Variants in THRAP3 observed in about 807,000 individuals in gnomAD.
The protein encoded by THRAP3 is thyroid hormone receptor-associated protein 3.
Under a neutral mutation model 101.0 loss-of-function variants are expected in THRAP3, and 16 were observed. That is an observed-to-expected ratio of 0.16 (90% CI 0.11 to 0.24). The LOEUF is 0.24. Among genes scored for constraint, THRAP3 ranks in the 10% least tolerant of loss-of-function variants. The pLI, the probability that THRAP3 is intolerant of heterozygous loss-of-function variation, is 1.00. For missense variants in THRAP3, 989 were observed against 1,202.7 expected, an observed-to-expected ratio of 0.82 and a Z score of 2.63; for synonymous variants, 407 against 422.6, an observed-to-expected ratio of 0.96 and a Z score of 0.45.
chr1:36,235,377 T>G (rs1645073260), intron 1 of THRAP3, among the ~76,000 whole-genome samples: 2 of 151,946 alleles, frequency 1.3e-5, no homozygotes, highest in Non-Finnish European at 2.9e-5. Context: ...TGAGAAACAC[T>G]CAGAACCCTC....
intron 1 of THRAP3, among the ~76,000 whole-genome samples, chr1:36,239,752 T>C (rs1334738261): frequency 2.0e-5 from 3 of 152,236 alleles, no homozygotes; most frequent in Admixed American, 6.5e-5. Context: ...TACAGTACAG[T>C]GAGACCTATA....
intron 9 of THRAP3, among the ~76,000 whole-genome samples, chr1:36,298,563 A>T (rs994160616): frequency 2.7e-5 from 4 of 149,944 alleles, no homozygotes; most frequent in Admixed American, 2.0e-4. Context: ...GCACGATCAT[A>T]GCTCACGGCA....
intron 1 of THRAP3, among the ~76,000 whole-genome samples, chr1:36,256,930 G>C (rs778498175): frequency 6.6e-6 from 1 of 151,984 alleles, no homozygotes; most frequent in Non-Finnish European, 1.5e-5. Context: ...TGAGTAGCTG[G>C]GATTACAGGC....
intron 1 of THRAP3, among the ~76,000 whole-genome samples, chr1:36,231,109 T>TA (rs1421197715): frequency 6.6e-6 from 1 of 152,230 alleles, no homozygotes; most frequent in African/African-American, 2.4e-5. Flanking sequence ...AGGTCTCTGA[T>TA]ACTCCCATTC....
chr1:36,242,651 A>G (rs965869537), intron 1 of THRAP3, among the ~76,000 whole-genome samples: 2 of 151,780 alleles, frequency 1.3e-5, no homozygotes, highest in South Asian at 2.1e-4. Context: ...ACGGGGTTTC[A>G]CTGTGTTAGC....
In THRAP3 at chr1:36,286,177, A is replaced by C. The variant is rs928758668; in HGVS notation, c.138-191A>C. ...TGACCTGTGTTTCATCACTTGTTCAAATGATTCTTATCCATGTTTTTGTAC... is the reference window on the plus strand; with the variant it reads ...TGACCTGTGTTTCATCACTTGTTCACATGATTCTTATCCATGTTTTTGTAC... On this transcript the variant is annotated intron_variant, in intron 3 of 11. Coordinates refer to ENST00000354618, the MANE Select transcript of THRAP3 (RefSeq NM_005119.4). This position sits in a 1 kb window ranked among gnomAD's most constrained non-coding sequence, Gnocchi z 5.5. 3.3e-5 allele frequency among the ~76,000 whole-genome samples: 5 copies of C among 152,226 alleles called. No individual in the cohort carries two copies. The highest frequency in any genetic ancestry group is 1.2e-4 in the African/African-American group (5 of 41,452).
intron 1 of THRAP3, among the ~76,000 whole-genome samples, chr1:36,257,359 T>G (rs1367921197): frequency 2.0e-5 from 3 of 152,132 alleles, no homozygotes; most frequent in African/African-American, 7.2e-5. Context: ...GAACCTCCAG[T>G]GTTTAGAATA....
At chr1:36,238,512 A>T (rs1645117309) in intron 1 of THRAP3, among the ~76,000 whole-genome samples, 1 of 151,972 alleles carries the variant, frequency 6.6e-6, no homozygotes, top group Non-Finnish European at 1.5e-5. Context: ...TGCCTTCAGG[A>T]TACTGGATAT....
rs79633164 is a variant in THRAP3, at chr1:36,282,754, A to G, written c.137+54A>G. ...ATAATCATTGCATCAGTCGATGTGGATGTTTGAAGATCTTTTGTTAGACTT... is the reference window on the plus strand; with the variant it reads ...ATAATCATTGCATCAGTCGATGTGGGTGTTTGAAGATCTTTTGTTAGACTT... On this transcript the variant is annotated intron_variant, in intron 3 of 11. Coordinates refer to ENST00000354618, the MANE Select transcript of THRAP3 (RefSeq NM_005119.4). 6.2e-3 allele frequency: 9,844 copies of G among 1,598,562 alleles called. 479 individuals are homozygous for G. The African/African-American group carries it at 0.11, about 18-fold the overall frequency.
chr1:36,213,849 G>GAAAAGAAAGAAAGA, the THRAP3 span, among the ~76,000 whole-genome samples: 3 of 140,742 alleles, frequency 2.1e-5, no homozygotes, highest in Non-Finnish European at 3.1e-5. Flanking sequence ...CTCTGTGAAA[G>GAAAAGAAAGAAAGA]AAAAGAAAGA....
At chr1:36,239,784 ATT>A (rs1473734920) in intron 1 of THRAP3, among the ~76,000 whole-genome samples, 3 of 152,202 alleles carry the variant, frequency 2.0e-5, no homozygotes, top group South Asian at 4.1e-4. Flanking sequence ...TAGATTTTAC[ATT>A]TGTTAGCATT....
At position 36,286,241 on chromosome 1, in the gene THRAP3, C is replaced by A; in HGVS notation, c.138-127C>A. ...TACGTAGTGGGATTAAATATTTGTGCCCTTGCTTTGAAAACAAAACTGAAA... is the reference window on the plus strand; with the variant it reads ...TACGTAGTGGGATTAAATATTTGTGACCTTGCTTTGAAAACAAAACTGAAA... On this transcript the variant is annotated intron_variant, in intron 3 of 11. Coordinates refer to ENST00000354618, the MANE Select transcript of THRAP3 (RefSeq NM_005119.4). This position sits in a 1 kb window ranked among gnomAD's most constrained non-coding sequence, Gnocchi z 5.5. The A allele has an allele frequency of 1.1e-6, 1 of 893,744 alleles. No homozygotes were observed. Among genetic ancestry groups the A allele is most frequent in the Non-Finnish European group, 1.7e-6 (1 of 585,848 alleles). The allele number at this position is 893,744 out of a possible 1,614,324, so 55.4% of individuals were successfully genotyped here. A position where few individuals can be genotyped will look rare whatever the true frequency, so the allele number is the denominator to read the frequency against.
intron 1 of THRAP3, among the ~76,000 whole-genome samples, chr1:36,228,409 A>G (rs962236455): frequency 6.6e-6 from 1 of 151,832 alleles, no homozygotes; most frequent in Non-Finnish European, 1.5e-5. Context: ...GTAGAGACAG[A>G]CAGGGTTTCA....
chr1:36,236,963 G>C (rs1645097897), intron 1 of THRAP3, among the ~76,000 whole-genome samples: 1 of 152,118 alleles, frequency 6.6e-6, no homozygotes, highest in South Asian at 2.1e-4. Flanking sequence ...AATCACCTGA[G>C]GTTAGGAGAC....
chr1:36,217,033 A>G, the THRAP3 span, among the ~76,000 whole-genome samples: 7 of 151,938 alleles, frequency 4.6e-5, no homozygotes, highest in South Asian at 1.5e-3. Flanking sequence ...TGTTTTGTTT[A>G]CTCTTTTTTT....
chr1:36,303,109 CTAAT>C (rs1183192277), intron 11 of THRAP3, among the ~76,000 whole-genome samples: 2 of 143,932 alleles, frequency 1.4e-5, no homozygotes, highest in Non-Finnish European at 3.0e-5. Context: ...CCATGCCTGG[CTAAT>C]TTTTTTTTTT....
intron 1 of THRAP3, among the ~76,000 whole-genome samples, chr1:36,234,460 C>G (rs927295625): frequency 2.0e-5 from 3 of 152,054 alleles, no homozygotes; most frequent in African/African-American, 7.2e-5. Flanking sequence ...TGTCATTCTT[C>G]AGGCCAGTGT....
intron 9 of THRAP3, among the ~76,000 whole-genome samples, chr1:36,299,758 C>T (rs1365504873): frequency 6.6e-6 from 1 of 152,156 alleles, no homozygotes; most frequent in Non-Finnish European, 1.5e-5. Context: ...ATCCAGCCGC[C>T]TTGGCCTCCC....
chr1:36,223,477 C>T (rs1029670087), upstream of THRAP3, among the ~76,000 whole-genome samples: 1 of 152,160 alleles, frequency 6.6e-6, no homozygotes, highest in Non-Finnish European at 1.5e-5. Flanking sequence ...AAGATGCAAA[C>T]TTACTGTGGG....
Sources: gnomAD v4.1 joint callset for allele counts (sites outside exome capture counted in the v4.1 genomes callset) on GRCh38, gnomAD v4.1.1 for gene constraint, Gnocchi (gnomAD v3.1) non-coding constraint, MANE v1.5 for transcripts, NCBI Gene and HGNC (gene_info 2026-07-23, HGNC 2026-07-21) for gene names.